The following ANO1 variants were observed in gnomAD, a reference collection of about 807,000 sequenced individuals.
The protein encoded by ANO1 is anoctamin-1.
A neutral mutation model predicts 124.0 loss-of-function variants in ANO1; 59 were observed. The observed-to-expected ratio is 0.48, with a 90% CI of 0.39 to 0.59. The LOEUF (loss-of-function observed/expected upper bound fraction) is 0.59. ANO1 is among the 20% of genes least tolerant of loss of function. The pLI is 0.00. For missense variants in ANO1, 1,059 were observed against 1,328.0 expected (o/e 0.80, Z 3.15); for synonymous variants, 529 against 532.0 (o/e 0.99, Z 0.08).
chr11:69,988,716 G>A (rs1033985895), intron 1 of ANO1, among the ~76,000 whole-genome samples: 5 of 152,086 alleles, frequency 3.3e-5, no homozygotes, highest in South Asian at 2.1e-4. Flanking sequence ...TTATTTATAC[G>A]CTTGTGGTCT....
intron 1 of ANO1, among the ~76,000 whole-genome samples, chr11:70,036,854 G>T (rs374731468): frequency 9.9e-5 from 15 of 152,108 alleles, no homozygotes; most frequent in African/African-American, 3.6e-4. Flanking sequence ...TGATCTGCCC[G>T]CCTCAGCCTC....
intron 1 of ANO1, among the ~76,000 whole-genome samples, chr11:70,018,990 C>T (rs568503346): frequency 8.9e-4 from 136 of 152,344 alleles, no homozygotes; most frequent in African/African-American, 3.2e-3. Flanking sequence ...GAAAATCCTG[C>T]GGCAATAAGT....
chr11:70,087,767 T>A lies in ANO1; in HGVS notation c.124T>A (p.Ser42Thr). Residue 42 changes from serine to threonine, a missense_variant, in exon 2 of 26, where the codon TCT (serine) becomes ACT (threonine). Ser to Thr is a moderately conservative substitution (Grantham distance 58). Transcript: ENST00000355303. The stretch of plus-strand genomic sequence containing the variant: ...CCACCCTTAGCTGCTGAACTCCTTA[T>A]CTGTGGACCCTGATGCCGAGTGCAA... ...PSEGTLLNSLSVDPDAECKYG... is the reference protein window; with the variant it reads ...PSEGTLLNSLTVDPDAECKYG... 6.2e-7 allele frequency: 1 copy of A among 1,604,796 alleles called. No homozygotes were observed. The highest frequency in any genetic ancestry group is 1.1e-5 in the South Asian group (1 of 89,532).
the ANO1 span, among the ~76,000 whole-genome samples, chr11:69,973,085 T>A: frequency 2.0e-5 from 3 of 151,890 alleles, no homozygotes; most frequent in Non-Finnish European, 4.4e-5. Flanking sequence ...AATTTTTGTA[T>A]TTTTAGTAGA....
chr11:70,098,251 C>T (rs943730293), intron 2 of ANO1, among the ~76,000 whole-genome samples: 2 of 152,202 alleles, frequency 1.3e-5, no homozygotes, highest in Non-Finnish European at 2.9e-5. Flanking sequence ...AACAGGGAAA[C>T]GGGGATTTGT....
Position 70,088,730 on chromosome 11 carries a change from A to G in ANO1, c.441+646A>G, listed in dbSNP as rs540158514. On this transcript the variant is annotated intron_variant, in intron 2 of 25. Coordinates refer to ENST00000355303, the MANE Select transcript of ANO1 (RefSeq NM_018043.7). ...GCTCCTTTCCTGGGAAGATTTGCCA[A>G]TCGGGGGAGGGAGGACAAAGCTCTC... is the stretch of plus-strand genomic sequence containing the variant. Among the ~76,000 whole-genome samples the G allele has an allele frequency of 2.4e-4, 36 of 152,158 alleles. 1 individual carries two copies. Among genetic ancestry groups the G allele is most frequent in the East Asian group, 1.9e-3 (10 of 5,160 alleles).
At chr11:69,994,142 T>C (rs1486744434) in intron 1 of ANO1, among the ~76,000 whole-genome samples, 3 of 148,756 alleles carry the variant, frequency 2.0e-5, no homozygotes, top group African/African-American at 5.0e-5. Context: ...ACCTAAGCGG[T>C]GCATGGGCTA....
At chr11:70,137,652 G>A (rs2047001269) in intron 11 of ANO1, among the ~76,000 whole-genome samples, 1 of 146,166 alleles carries the variant, frequency 6.8e-6, no homozygotes, top group South Asian at 2.4e-4. Flanking sequence ...TGACTTGGCT[G>A]CGTAGTAGGA....
chr11:70,022,009 C>T (rs1183266648), intron 1 of ANO1, among the ~76,000 whole-genome samples: 1 of 152,226 alleles, frequency 6.6e-6, no homozygotes, highest in Non-Finnish European at 1.5e-5. Flanking sequence ...CAGACCCAAA[C>T]TGAGAGAGTC....
At chr11:70,163,604 CT>C (rs1210339714) in intron 19 of ANO1, 3 of 600,556 alleles carry the variant, frequency 5.0e-6, no homozygotes, top group Admixed American at 3.2e-5. Flanking sequence ...GTTTTCTTTT[CT>C]TTTTTTGTGA....
chr11:70,044,083 G>A (rs541905934), intron 1 of ANO1, among the ~76,000 whole-genome samples: 1 of 151,836 alleles, frequency 6.6e-6, no homozygotes, highest in Non-Finnish European at 1.5e-5. Context: ...TTGTTGAAAG[G>A]TTTTTAAACT....
At chr11:70,163,565 G>T in intron 19 of ANO1, 1 of 620,736 alleles carries the variant, frequency 1.6e-6, no homozygotes, top group South Asian at 1.9e-5. Flanking sequence ...AGTCGCTGTA[G>T]AGTTAATGAA....
chr11:70,111,033 G>T (rs528587612), intron 6 of ANO1: 4 of 428,920 alleles, frequency 9.3e-6, no homozygotes, highest in Non-Finnish European at 1.9e-5. Context: ...CTGTGAGTCC[G>T]CCAGAATCAC....
upstream of ANO1, among the ~76,000 whole-genome samples, chr11:70,074,128 G>T (rs1398178403): frequency 6.6e-6 from 1 of 152,186 alleles, no homozygotes; most frequent in East Asian, 1.9e-4. Context: ...GTCCTACGCG[G>T]GTTGCCGGGC....
At chr11:70,072,108 G>A (rs978322608) in intron 1 of ANO1, among the ~76,000 whole-genome samples, 5 of 152,194 alleles carry the variant, frequency 3.3e-5, no homozygotes, top group African/African-American at 1.2e-4. Flanking sequence ...GTTGCATCAG[G>A]AGGACGAGGT....
chr11:69,997,581 C>G (rs1449953373), intron 1 of ANO1, among the ~76,000 whole-genome samples: 1 of 152,164 alleles, frequency 6.6e-6, no homozygotes, highest in African/African-American at 2.4e-5. Flanking sequence ...CAAGCATTCT[C>G]CTCTGATATG....
In ANO1 at chr11:70,189,153, A is replaced by T. The variant is rs1046508112; in HGVS notation, c.*1149A>T. On this transcript the variant is annotated 3_prime_UTR_variant, in exon 26 of 26. Coordinates refer to ENST00000355303, the MANE Select transcript of ANO1 (RefSeq NM_018043.7). ...TGAGTGATCTAAATTTGCAGCAATG[A>T]TACTAAACAACTCTCTGAAATTTCT... is the stretch of plus-strand genomic sequence containing the variant. 1 of 152,620 alleles carries T rather than the reference A, an allele frequency of 6.6e-6. No individual in the cohort carries two copies. Among genetic ancestry groups the T allele is most frequent in the Non-Finnish European group, 1.5e-5 (1 of 68,028 alleles). The allele number at this position is 152,620 out of a possible 1,614,324, so 9.5% of individuals were successfully genotyped here. A position where few individuals can be genotyped will look rare whatever the true frequency, so the allele number is the denominator to read the frequency against.
chr11:70,052,571 A>ATTTTTTTT (rs1555006388), intron 1 of ANO1, among the ~76,000 whole-genome samples: 1 of 26,946 alleles, frequency 3.7e-5, no homozygotes, highest in African/African-American at 1.5e-4. Flanking sequence ...TTTTTTTTTG[A>ATTTTTTTT]GACAGGGTTT....
At chr11:70,057,927 C>A (rs1317137007) in intron 1 of ANO1, among the ~76,000 whole-genome samples, 2 of 152,058 alleles carry the variant, frequency 1.3e-5, no homozygotes, top group African/African-American at 4.8e-5. Flanking sequence ...AGTGTTGGGG[C>A]AGCAAAAAAT....
Sources: allele counts gnomAD v4.1 joint callset (sites outside exome capture counted in the v4.1 genomes callset), GRCh38; gene constraint gnomAD v4.1.1; transcripts MANE v1.5; gene names NCBI Gene and HGNC (gene_info 2026-07-23, HGNC 2026-07-21).